Variants in B3GALT1 observed in about 807,000 individuals in gnomAD.
B3GALT1 encodes the protein beta-1,3-galactosyltransferase 1, also known as UDP-Gal:betaGlcNAc beta 1,3-galactosyltransferase, polypeptide 1.
In B3GALT1, 10 loss-of-function variants were observed where a neutral mutation model predicts 23.2. The ratio of observed to expected loss-of-function variants is 0.43; its 90% CI spans 0.27 to 0.73. The LOEUF (loss-of-function observed/expected upper bound fraction) is 0.73, where lower values mean the gene tolerates loss of function less well. B3GALT1 is among the 30% of genes least tolerant of loss of function. B3GALT1 has a pLI of 0.21. For missense variants in B3GALT1, 299 were observed against 405.4 expected (o/e 0.74, Z 2.25); for synonymous variants, 156 against 141.5 (o/e 1.10, Z -0.73).
At chr2:167,821,580 A>G (rs566049957) in intron 4 of B3GALT1, among the ~76,000 whole-genome samples, 3 of 152,000 alleles carry the variant, frequency 2.0e-5, no homozygotes, top group Admixed American at 1.3e-4. Context: ...AATTACAGGC[A>G]TGTGCCACCA....
intron 1 of B3GALT1, among the ~76,000 whole-genome samples, chr2:167,318,741 C>T (rs1696758209): frequency 6.6e-6 from 1 of 152,054 alleles, no homozygotes; most frequent in African/African-American, 2.4e-5. Flanking sequence ...TCCTGGATTC[C>T]CTGAGGTGCC....
intron 1 of B3GALT1, among the ~76,000 whole-genome samples, chr2:167,388,100 C>A (rs1271704701): frequency 6.6e-6 from 1 of 152,122 alleles, no homozygotes; most frequent in Non-Finnish European, 1.5e-5. Context: ...TCTAAAGGAG[C>A]ATTCTAGAGA....
chr2:167,581,814 C>T (rs755498036), intron 2 of B3GALT1, among the ~76,000 whole-genome samples: 1 of 152,104 alleles, frequency 6.6e-6, no homozygotes, highest in Non-Finnish European at 1.5e-5. Flanking sequence ...AGGTAGCTAT[C>T]CTGTTTATTT....
chr2:167,682,272 AATAAG>A (rs1377239038), intron 3 of B3GALT1, among the ~76,000 whole-genome samples: 1 of 152,236 alleles, frequency 6.6e-6, no homozygotes, highest in Admixed American at 6.5e-5. Context: ...AGAGAAAATA[AATAAG>A]ATAATGACCT....
chr2:167,301,372 A>G (rs1378501560), intron 1 of B3GALT1, among the ~76,000 whole-genome samples: 10 of 152,162 alleles, frequency 6.6e-5, no homozygotes, highest in African/African-American at 2.4e-4. Flanking sequence ...ACCATCACTG[A>G]TGGGCTAAAT....
rs999580586 is a variant in B3GALT1 at position 167,375,980 on chromosome 2, A to G, written c.-511+82646A>G. Among the ~76,000 whole-genome samples the G allele has an allele frequency of 5.3e-5, 8 of 152,222 alleles. No homozygotes were observed. In the East Asian group the frequency reaches 9.7e-4, roughly 18 times the overall value. The stretch of plus-strand genomic sequence containing the variant: ...GGGTTTGTCATAGATGGCTCTTACT[A>G]CTTTGAGGTATGTTCTTTCATTGCC... On this transcript the variant is annotated intron_variant, in intron 1 of 4. Transcript: ENST00000392690.
At chr2:167,508,769 T>C (rs1699960864) in intron 2 of B3GALT1, among the ~76,000 whole-genome samples, 1 of 150,702 alleles carries the variant, frequency 6.6e-6, no homozygotes, top group African/African-American at 2.5e-5. Flanking sequence ...TTTTCTAAAC[T>C]TTTCATAAAA....
chr2:167,721,481 C>A (rs1157776662), intron 3 of B3GALT1, among the ~76,000 whole-genome samples: 4 of 152,072 alleles, frequency 2.6e-5, no homozygotes, highest in African/African-American at 9.7e-5. Context: ...TCAGAAAATG[C>A]CAGATGTATC....
At chr2:167,565,480 T>C (rs1473365273) in intron 2 of B3GALT1, among the ~76,000 whole-genome samples, 1 of 152,166 alleles carries the variant, frequency 6.6e-6, no homozygotes, top group Non-Finnish European at 1.5e-5. Context: ...CCAAAAGCAG[T>C]GGCAACAAAA....
intron 1 of B3GALT1, among the ~76,000 whole-genome samples, chr2:167,404,921 TTACA>T (rs1021724915): frequency 9.2e-5 from 14 of 152,188 alleles, no homozygotes; most frequent in African/African-American, 3.1e-4. Flanking sequence ...ACCATGTGTG[TTACA>T]TACATAGGTA....
At chr2:167,745,674 C>T (rs1009879034) in intron 3 of B3GALT1, among the ~76,000 whole-genome samples, 8 of 151,608 alleles carry the variant, frequency 5.3e-5, no homozygotes, top group Non-Finnish European at 7.4e-5. Flanking sequence ...TTTAGCTGTT[C>T]GGTTTTTTTC....
intron 3 of B3GALT1, among the ~76,000 whole-genome samples, chr2:167,745,986 G>T (rs1687646222): frequency 6.6e-6 from 1 of 151,732 alleles, no homozygotes; most frequent in African/African-American, 2.4e-5. Context: ...ATTTTCTTAT[G>T]TCTACATAAT....
intron 1 of B3GALT1, among the ~76,000 whole-genome samples, chr2:167,354,437 C>T (rs1362210086): frequency 6.6e-6 from 1 of 150,982 alleles, no homozygotes; most frequent in African/African-American, 2.4e-5. Context: ...ACCTCCGCCT[C>T]CTGGGTTCAA....
At chr2:167,608,525 C>G (rs1181905747) in intron 2 of B3GALT1, among the ~76,000 whole-genome samples, 3 of 151,512 alleles carry the variant, frequency 2.0e-5, no homozygotes, top group African/African-American at 4.9e-5. Flanking sequence ...GTGGTGTGTA[C>G]TTTATCTGTC....
intron 3 of B3GALT1, among the ~76,000 whole-genome samples, chr2:167,760,747 G>A (rs1461040562): frequency 6.6e-6 from 1 of 152,070 alleles, no homozygotes; most frequent in Non-Finnish European, 1.5e-5. Context: ...GCTTGACTTT[G>A]GCTTCTTCGT....
intron 2 of B3GALT1, among the ~76,000 whole-genome samples, chr2:167,637,608 A>G (rs1309689871): frequency 6.6e-6 from 1 of 151,908 alleles, no homozygotes; most frequent in Non-Finnish European, 1.5e-5. Context: ...TATTCCTTCC[A>G]ACTATATGCT....
intron 1 of B3GALT1, among the ~76,000 whole-genome samples, chr2:167,488,039 G>C (rs1374572786): frequency 2.0e-5 from 3 of 151,840 alleles, no homozygotes; most frequent in Admixed American, 6.6e-5. Flanking sequence ...CCTAAATTCT[G>C]TTAAAAAAAA....
At chr2:167,361,575 A>G (rs1480311687) in intron 1 of B3GALT1, among the ~76,000 whole-genome samples, 3 of 152,180 alleles carry the variant, frequency 2.0e-5, no homozygotes, top group Non-Finnish European at 2.9e-5. Context: ...ATTGTAATCC[A>G]TGAACAAAAA....
At chr2:167,676,554 C>CACACACACACAT (rs1553478068) in intron 3 of B3GALT1, among the ~76,000 whole-genome samples, 3 of 126,288 alleles carry the variant, frequency 2.4e-5, no homozygotes, top group Non-Finnish European at 4.9e-5. Flanking sequence ...CACACACACA[C>CACACACACACAT]ATATATATGT....
Sources: gnomAD v4.1 joint callset for allele counts (sites outside exome capture counted in the v4.1 genomes callset) on GRCh38, gnomAD v4.1.1 for gene constraint, MANE v1.5 for transcripts, NCBI Gene and HGNC (gene_info 2026-07-23, HGNC 2026-07-21) for gene names.